TMEM182: variants seen among roughly 807,000 people sequenced by gnomAD.
TMEM182 encodes transmembrane protein 182.
A neutral mutation model predicts 26.8 loss-of-function variants in TMEM182; 20 were observed. The observed-to-expected ratio is 0.75, with a 90% CI of 0.53 to 1.09. The LOEUF (loss-of-function observed/expected upper bound fraction) is 1.09. Among genes scored for constraint, TMEM182 ranks in the 50% least tolerant of loss-of-function variants. The probability of loss-of-function intolerance (pLI) is 0.00; values close to 1 mark genes in which losing one functional copy is unlikely to be tolerated. For missense variants in TMEM182, 277 were observed against 275.5 expected, an observed-to-expected ratio of 1.01 and a Z score of -0.04; for synonymous variants, 109 against 102.2, an observed-to-expected ratio of 1.07 and a Z score of -0.40.
At chr2:102,797,081 A>G (rs772129063) in intron 3 of TMEM182, among the ~76,000 whole-genome samples, 1 of 152,188 alleles carries the variant, frequency 6.6e-6, no homozygotes, top group Non-Finnish European at 1.5e-5. Flanking sequence ...TTGTTTGATT[A>G]CCATATATCA....
intron 3 of TMEM182, among the ~76,000 whole-genome samples, chr2:102,779,937 A>G (rs1244232935): frequency 1.3e-5 from 2 of 152,002 alleles, no homozygotes; most frequent in African/African-American, 4.8e-5. Flanking sequence ...CAGGAGGCGG[A>G]GGTTGCAGTG....
chr2:102,826,713 C>T (rs1338487385), intron 3 of TMEM182, among the ~76,000 whole-genome samples: 1 of 152,120 alleles, frequency 6.6e-6, no homozygotes, highest in Admixed American at 6.5e-5. Context: ...CATTCCTCCA[C>T]TCATCTTAGG....
At chr2:102,817,929 T>C (rs1239100229), downstream of TMEM182, among the ~76,000 whole-genome samples, 1 of 152,222 alleles carries the variant, frequency 6.6e-6, no homozygotes, top group African/African-American at 2.4e-5. Context: ...ACTCAATGGA[T>C]GGTGGTTTAT....
In TMEM182 at chr2:102,814,752, C is replaced by G. The variant is rs757206825; in HGVS notation, c.474C>G (p.Ile158Met). Residue 158 changes from isoleucine (I) to methionine (M), a missense_variant, in exon 5 of 5, where the codon ATC becomes ATG. Transcript: ENST00000412401. ...AGGGSYIAAG[I>M]LFSLVVMLYV... ...CTTCTGTTTCATCCTTCTCAGGCAT[C>G]CTATTTTCATTGGTGGTGATGCTGT... is the stretch of plus-strand genomic sequence containing the variant. The G allele has an allele frequency of 6.2e-7, 1 of 1,612,726 alleles. No individual in the cohort carries two copies. The highest frequency in any genetic ancestry group is 8.5e-7 in the Non-Finnish European group (1 of 1,179,198).
At chr2:102,830,682 T>C (rs1280398861) in intron 3 of TMEM182, among the ~76,000 whole-genome samples, 1 of 152,230 alleles carries the variant, frequency 6.6e-6, no homozygotes, top group Non-Finnish European at 1.5e-5. Flanking sequence ...ATTTTATCCT[T>C]TGAGGTACAA....
intron 3 of TMEM182, among the ~76,000 whole-genome samples, chr2:102,795,799 T>C (rs1380820864): frequency 6.6e-6 from 1 of 152,192 alleles, no homozygotes; most frequent in Admixed American, 6.5e-5. Context: ...CCAGTTTCTC[T>C]GGCCAGAAAG....
chr2:102,746,266 C>T (rs573974898), intron 1 of TMEM182, among the ~76,000 whole-genome samples: 138 of 151,524 alleles, frequency 9.1e-4, no homozygotes, highest in African/African-American at 3.3e-3. Context: ...AGATAATTTT[C>T]CTGTTTTTTA....
chr2:102,806,703 G>C (rs930951569), intron 4 of TMEM182, among the ~76,000 whole-genome samples: 1 of 152,174 alleles, frequency 6.6e-6, no homozygotes, highest in Non-Finnish European at 1.5e-5. Context: ...ATGCTTATTA[G>C]TTGTTTGTCA....
intron 3 of TMEM182, among the ~76,000 whole-genome samples, chr2:102,829,983 T>C (rs575166516): frequency 6.6e-6 from 1 of 152,078 alleles, no homozygotes; most frequent in Non-Finnish European, 1.5e-5. Flanking sequence ...AGAGTGAGAG[T>C]TGAAGGGTAA....
At chr2:102,774,724 T>C (rs1473517118) in intron 3 of TMEM182, among the ~76,000 whole-genome samples, 1 of 152,200 alleles carries the variant, frequency 6.6e-6, no homozygotes, top group Non-Finnish European at 1.5e-5. Context: ...CCTTCCTGCA[T>C]TGAGTTGCTT....
At chr2:102,750,011 TATTA>T (rs1679832107) in intron 1 of TMEM182, among the ~76,000 whole-genome samples, 1 of 152,086 alleles carries the variant, frequency 6.6e-6, no homozygotes, top group Non-Finnish European at 1.5e-5. Context: ...CTGGCGATCA[TATTA>T]ATTAATTTAT....
At chr2:102,773,467 T>A (rs555406280) in intron 3 of TMEM182, among the ~76,000 whole-genome samples, 2 of 150,452 alleles carry the variant, frequency 1.3e-5, no homozygotes, top group Non-Finnish European at 3.0e-5. Context: ...AGAAGAAGGG[T>A]GTTCAAGACA....
In TMEM182 at chr2:102,817,386, G is replaced by A; in HGVS notation, c.*2418G>A. 5 of 985,334 alleles carry A rather than the reference G, an allele frequency of 5.1e-6. No homozygotes were observed. Among genetic ancestry groups the A allele is most frequent in the Non-Finnish European group, 6.0e-6 (5 of 829,894 alleles). The allele number at this position is 985,334 out of a possible 1,614,324, so 61.0% of individuals were successfully genotyped here. A position where few individuals can be genotyped will look rare whatever the true frequency, so the allele number is the denominator to read the frequency against. On this transcript the variant is annotated 3_prime_UTR_variant, in exon 5 of 5. Coordinates refer to ENST00000412401, the MANE Select transcript of TMEM182 (RefSeq NM_144632.5). ...CTTTTAGAAAGAGTGAATAAAAAGG[G>A]CAGTGAGTTATGCTCTTGGACTTGG... is the stretch of plus-strand genomic sequence containing the variant.
At chr2:102,762,747 A>T (rs1680267483) in intron 2 of TMEM182, 61 bp downstream of exon 2, 2 of 1,404,558 alleles carry the variant, frequency 1.4e-6, no homozygotes, top group African/African-American at 1.4e-5. Context: ...ACAGTTTCTT[A>T]CATAGTATAT....
intron 3 of TMEM182, among the ~76,000 whole-genome samples, chr2:102,823,284 G>A (rs897687095): frequency 2.0e-5 from 3 of 152,124 alleles, no homozygotes; most frequent in Non-Finnish European, 4.4e-5. Context: ...AATGTGAAGT[G>A]TATTTCAATA....
intron 3 of TMEM182, among the ~76,000 whole-genome samples, chr2:102,822,813 G>A (rs866002924): frequency 6.6e-6 from 1 of 151,846 alleles, no homozygotes; most frequent in South Asian, 2.1e-4. Context: ...GTGGAGGGAC[G>A]GTGGTGCCTG....
intron 3 of TMEM182, among the ~76,000 whole-genome samples, chr2:102,774,414 C>A (rs1016342614): frequency 2.6e-5 from 4 of 151,368 alleles, no homozygotes; most frequent in African/African-American, 9.7e-5. Context: ...TGCCACCATG[C>A]CTGGCTAATT....
rs1012663421 is a variant in TMEM182, at chr2:102,833,187, G to A, written c.326-10225G>A. On this transcript the variant is annotated intron_variant, in intron 3 of 3. Transcript: ENST00000486293. ...AGGAGGAGTGGTGGGTTAGGGAGAA[G>A]AGGGTTGCTGGCAGGGGCTTATTGA... 4.6e-5 allele frequency among the ~76,000 whole-genome samples: 7 copies of A among 152,318 alleles called. No homozygotes were observed. The East Asian group carries it at 1.4e-3, about 29-fold the overall frequency.
At chr2:102,827,980 G>T (rs190379423) in intron 3 of TMEM182, among the ~76,000 whole-genome samples, 1 of 152,036 alleles carries the variant, frequency 6.6e-6, no homozygotes, top group African/African-American at 2.4e-5. Context: ...AATCCCAGCT[G>T]CTTGGGAGGC....
Sources: allele counts gnomAD v4.1 joint callset (sites outside exome capture counted in the v4.1 genomes callset), GRCh38; gene constraint gnomAD v4.1.1; transcripts MANE v1.5; gene names NCBI Gene and HGNC (gene_info 2026-07-23, HGNC 2026-07-21).